The following INO80 variants were observed in gnomAD, a reference collection of about 807,000 sequenced individuals.
The protein encoded by INO80 is INO80 complex ATPase subunit, also known as chromatin-remodeling ATPase INO80.
A neutral mutation model predicts 203.4 loss-of-function variants in INO80; 20 were observed. The ratio of observed to expected loss-of-function variants is 0.10; its 90% CI spans 0.07 to 0.14. The LOEUF (loss-of-function observed/expected upper bound fraction) is 0.14, where lower values mean the gene tolerates loss of function less well. Among genes scored for constraint, INO80 ranks in the 10% least tolerant of loss-of-function variants. The pLI is 1.00. For synonymous variants in INO80, 726 were observed against 685.2 expected, an observed-to-expected ratio of 1.06 and a Z score of -0.93; for missense variants, 1,419 against 1,914.4, an observed-to-expected ratio of 0.74 and a Z score of 4.83.
chr15:41,059,574 G>C (rs537185115), intron 15 of INO80, among the ~76,000 whole-genome samples: 1 of 150,840 alleles, frequency 6.6e-6, no homozygotes, highest in South Asian at 2.1e-4. Flanking sequence ...AGGATTGCTT[G>C]AGCCAGGAGG....
Position 41,096,179 on chromosome 15 carries a change from C to G in INO80, c.132G>C (p.Arg44Ser). The G allele has an allele frequency of 6.2e-7, 1 of 1,605,180 alleles. No homozygotes were observed. Among genetic ancestry groups the G allele is most frequent in the Non-Finnish European group, 8.5e-7 (1 of 1,177,604 alleles). Residue 44 changes from arginine (R) to serine (S), a missense_variant, in exon 2 of 36, where the codon AGG becomes AGC. By Grantham distance (110) the Arg-to-Ser change is moderately radical. Transcript: ENST00000648947. ...ATACAATAACATACCTAGAAATATT[C>G]CTATTGAAGATAGCTGACGTTTGTC... The part of the protein sequence containing the change: ...FLRQTSAIFN[R>S]NISSDDSEDG...
intron 5 of INO80, among the ~76,000 whole-genome samples, chr15:41,091,741 G>A (rs558742068): frequency 3.7e-5 from 5 of 135,216 alleles, no homozygotes; most frequent in Non-Finnish European, 6.1e-5. Context: ...TGCAACCTCC[G>A]CCTCTGGGTT....
chr15:41,051,110 C>T (rs2044861363), intron 19 of INO80, among the ~76,000 whole-genome samples: 1 of 109,542 alleles, frequency 9.1e-6, no homozygotes, highest in South Asian at 3.2e-4. Flanking sequence ...GCCTGGGTGA[C>T]AGAATGAGAC....
At chr15:41,086,378 C>T (rs1268130666) in intron 6 of INO80, among the ~76,000 whole-genome samples, 2 of 152,058 alleles carry the variant, frequency 1.3e-5, no homozygotes, top group Non-Finnish European at 1.5e-5. Flanking sequence ...AAGCCAGGTG[C>T]GATGGCTCAC....
chr15:41,085,466 G>A lies in INO80; in HGVS notation c.776C>T (p.Pro259Leu), dbSNP rs768990871. The change falls in exon 7 of 36, where the codon CCT becomes CTT. Residue 259 changes from proline to leucine, a missense_variant. Physicochemically the swap from Pro to Leu is moderately conservative, Grantham distance 98. This residue lies in a region of INO80 where 323 missense variants were observed against 325.4 expected (regional missense o/e 0.99). Coordinates refer to ENST00000648947, the MANE Select transcript of INO80 (RefSeq NM_017553.3). Reference sequence around the variant, plus strand: ...GTGCTTTTTCTTAGTGCCAGGGGGAGGTGCATCGTGAGAAAACTTGGCAAA... The same window carrying A: ...GTGCTTTTTCTTAGTGCCAGGGGGAAGTGCATCGTGAGAAAACTTGGCAAA... ...KVFAKFSHDAPPPGTKKKHLS... is the reference protein window; with the variant it reads ...KVFAKFSHDALPPGTKKKHLS... 6.2e-7 allele frequency: 1 copy of A among 1,614,142 alleles called. No individual in the cohort carries two copies. Among genetic ancestry groups the A allele is most frequent in the Non-Finnish European group, 8.5e-7 (1 of 1,180,024 alleles).
intron 35 of INO80, 132 bp from the exon 36 acceptor site, chr15:40,980,572 A>C: frequency 1.5e-6 from 1 of 652,568 alleles, no homozygotes; most frequent in South Asian, 1.8e-5. Flanking sequence ...ACTCCTTGCT[A>C]ACAACTTCTT....
At chr15:41,100,496 T>G (rs554471631) in intron 1 of INO80, among the ~76,000 whole-genome samples, 1 of 152,336 alleles carries the variant, frequency 6.6e-6, no homozygotes, top group East Asian at 1.9e-4. Flanking sequence ...TATGCTCCCT[T>G]TTGACACCCA....
chr15:41,106,220 T>G (rs574957243), intron 1 of INO80, among the ~76,000 whole-genome samples: 1 of 151,728 alleles, frequency 6.6e-6, no homozygotes, highest in Non-Finnish European at 1.5e-5. Flanking sequence ...CCTGTCTGCA[T>G]GAAAAATACA....
intron 24 of INO80, among the ~76,000 whole-genome samples, chr15:41,033,372 T>C (rs750921674): frequency 4.6e-5 from 7 of 151,280 alleles, no homozygotes; most frequent in Non-Finnish European, 5.9e-5. Flanking sequence ...ACAATCTCGT[T>C]ACCCAGGCTG....
At chr15:41,113,469 T>C (rs2045985855) in intron 1 of INO80, among the ~76,000 whole-genome samples, 2 of 152,192 alleles carry the variant, frequency 1.3e-5, no homozygotes, top group East Asian at 1.9e-4. Flanking sequence ...AGTTTAACCA[T>C]GTTGGCCAGG....
chr15:41,065,366 C>T (rs1044018104), intron 14 of INO80, among the ~76,000 whole-genome samples: 1 of 151,768 alleles, frequency 6.6e-6, no homozygotes, highest in Non-Finnish European at 1.5e-5. Flanking sequence ...ACCTGGGAGG[C>T]GGAGGTTGCA....
At chr15:40,987,769 T>G (rs1251727214) in intron 30 of INO80, 47 bp downstream of exon 30, 1 of 1,572,200 alleles carries the variant, frequency 6.4e-7, no homozygotes, top group Non-Finnish European at 8.7e-7. Context: ...GTGGTTGGAC[T>G]TTCTGTTTGC....
In INO80 at chr15:41,066,846, CAAA is replaced by C. The variant is rs58118605; in HGVS notation, c.1782+2721_1782+2723del. On this transcript the variant is annotated intron_variant, in intron 14 of 35. Transcript: ENST00000648947. ...ATGTCTCTAAGAAAAAAAAAAAAAG[CAAA>C]AAAAAAAAAAAAAATCAAAAGAGGT... Among the ~76,000 whole-genome samples, 361 of 70,608 alleles carry C rather than the reference CAAA, an allele frequency of 5.1e-3. 2 individuals carry two copies. The highest frequency in any genetic ancestry group is 0.024 in the South Asian group (58 of 2,456). 46.3% of individuals were successfully genotyped at this position (70,608 alleles called of 152,430 possible).
At chr15:41,104,147 G>C (rs2045847951) in intron 1 of INO80, among the ~76,000 whole-genome samples, 1 of 147,792 alleles carries the variant, frequency 6.8e-6, no homozygotes, top group Non-Finnish European at 1.5e-5. Context: ...CTTGAACCCA[G>C]GAGGCAGAGG....
chr15:41,025,382 A>G (rs1368849914), intron 25 of INO80, among the ~76,000 whole-genome samples: 1 of 152,192 alleles, frequency 6.6e-6, no homozygotes, highest in Non-Finnish European at 1.5e-5. Flanking sequence ...AATAAATACA[A>G]TTACAGGCCA....
chr15:41,043,595 A>G (rs550465070), intron 24 of INO80, among the ~76,000 whole-genome samples: 1 of 152,242 alleles, frequency 6.6e-6, no homozygotes, highest in Non-Finnish European at 1.5e-5. Context: ...TGAATGAGCT[A>G]GCCAAAGAAT....
chr15:41,014,657 G>C (rs906432904), intron 27 of INO80, among the ~76,000 whole-genome samples: 3 of 152,112 alleles, frequency 2.0e-5, no homozygotes, highest in African/African-American at 7.2e-5. Flanking sequence ...CAGCATTCAA[G>C]GGGCTATGAA....
intron 29 of INO80, among the ~76,000 whole-genome samples, chr15:40,989,996 T>C (rs895399948): frequency 5.9e-5 from 9 of 152,126 alleles, no homozygotes; most frequent in Admixed American, 3.3e-4. Flanking sequence ...TAATAATGTC[T>C]CCTTTTCTTT....
chr15:41,112,786 CAAAAAAAAAAAAAA>C (rs893121991), intron 1 of INO80, among the ~76,000 whole-genome samples: 1 of 19,208 alleles, frequency 5.2e-5, no homozygotes, highest in East Asian at 2.2e-3. Flanking sequence ...GACTCCATCT[CAAAAAAAAAAAAAA>C]AAAAAAAAAA....
Sources: allele counts gnomAD v4.1 joint callset (sites outside exome capture counted in the v4.1 genomes callset), GRCh38; gene constraint gnomAD v4.1.1; regional missense constraint gnomAD v4.1.1; transcripts MANE v1.5; gene names NCBI Gene and HGNC (gene_info 2026-07-23, HGNC 2026-07-21).